The following ADAM23 variants were observed in gnomAD, a reference collection of about 807,000 sequenced individuals.
The protein encoded by ADAM23 is disintegrin and metalloproteinase domain-containing protein 23.
ADAM23 carries 33 observed loss-of-function variants against 120.1 expected under a neutral mutation model. The observed-to-expected ratio is 0.27, with a 90% CI of 0.21 to 0.37. The LOEUF (loss-of-function observed/expected upper bound fraction) is 0.37, where lower values mean the gene tolerates loss of function less well. Ranked by LOEUF, ADAM23 falls within the 10% of genes least tolerant of loss-of-function variation. ADAM23 has a pLI of 1.00. For missense variants in ADAM23, 862 were observed against 1,058.2 expected (o/e 0.81, Z 2.57); for synonymous variants, 367 against 375.2 (o/e 0.98, Z 0.25).
In ADAM23 at chr2:206,588,161, C is replaced by T. The variant is rs774194239; in HGVS notation, c.1852+7C>T. On this transcript the variant is annotated splice_region_variant and intron_variant, in intron 20 of 25. Coordinates refer to ENST00000264377, the MANE Select transcript of ADAM23 (RefSeq NM_003812.4). ...CAGTACATCTGGGGAACAAGTAGGT[C>T]GCACCTCCTTGCTTGGCGGTTACAC... 8.1e-6 allele frequency: 13 copies of T among 1,613,644 alleles called. No individual in the cohort carries two copies. The highest frequency in any genetic ancestry group is 5.0e-5 in the Admixed American group (3 of 59,968).
chr2:206,575,142 A>G (rs2105834572), intron 18 of ADAM23, among the ~76,000 whole-genome samples: 1 of 152,306 alleles, frequency 6.6e-6, no homozygotes, highest in East Asian at 1.9e-4. Context: ...CACAAATAAG[A>G]AGGAGCTTGT....
At chr2:206,510,902 G>A (rs1696609826) in intron 3 of ADAM23, among the ~76,000 whole-genome samples, 1 of 152,118 alleles carries the variant, frequency 6.6e-6, no homozygotes, top group African/African-American at 2.4e-5. Flanking sequence ...TGTTTTACCA[G>A]TTTTTCCAGG....
rs1698491236 is a variant in ADAM23 at position 206,594,828 on chromosome 2, A to G, written c.2170A>G (p.Lys724Glu). 6.2e-7 allele frequency: 1 copy of G among 1,614,100 alleles called. No individual in the cohort carries two copies. Among genetic ancestry groups the G allele is most frequent in the South Asian group, 1.1e-5 (1 of 91,092 alleles). Residue 724 changes from lysine (K) to glutamate (E), a missense_variant, in exon 23 of 26, where the codon AAG becomes GAG. Lys to Glu is a moderately conservative substitution (Grantham distance 56). Around this residue, in one of 4 missense-constraint regions of ADAM23, gnomAD observed 617 missense variants for 813.5 expected, o/e 0.76. Coordinates refer to ENST00000264377, the MANE Select transcript of ADAM23 (RefSeq NM_003812.4). Reference sequence around the variant, plus strand: ...CCCGTCTATGATGTGTTTAGATCGGAAGTGCCTACAAATTCAAGCCCTAAA... The same window carrying G: ...CCCGTCTATGATGTGTTTAGATCGGGAGTGCCTACAAATTCAAGCCCTAAA... Reference protein sequence around the residue: ...CGPSMMCLDRKCLQIQALNMS... With the variant: ...CGPSMMCLDRECLQIQALNMS...
At chr2:206,614,913 G>A (rs1263594956) in intron 25 of ADAM23, among the ~76,000 whole-genome samples, 5 of 152,040 alleles carry the variant, frequency 3.3e-5, no homozygotes, top group Non-Finnish European at 7.4e-5. Context: ...TCCTGGGTTA[G>A]GCACTTTCTC....
chr2:206,445,299 T>G lies in ADAM23; in HGVS notation c.215-8T>G, dbSNP rs759382420. On this transcript the variant is annotated splice_polypyrimidine_tract_variant and splice_region_variant and intron_variant, in intron 1 of 25. Coordinates refer to ENST00000264377, the MANE Select transcript of ADAM23 (RefSeq NM_003812.4). ...TTTTCTGCTCCCCCACCCCCCTACC[T>G]CCACCAGCTCCGCATTGGAATGAAA... 6.2e-7 allele frequency: 1 copy of G among 1,609,828 alleles called. No homozygotes were observed. Among genetic ancestry groups the G allele is most frequent in the Non-Finnish European group, 8.5e-7 (1 of 1,176,596 alleles).
intron 1 of ADAM23, among the ~76,000 whole-genome samples, chr2:206,444,862 C>T (rs541779541): frequency 2.9e-4 from 44 of 152,244 alleles, no homozygotes; most frequent in African/African-American, 1.1e-3. Context: ...ATCTTAGGAG[C>T]GTTCTTAGCT....
chr2:206,594,295 C>A (rs532952953), intron 22 of ADAM23, among the ~76,000 whole-genome samples: 1 of 152,202 alleles, frequency 6.6e-6, no homozygotes, highest in East Asian at 1.9e-4. Flanking sequence ...ATAATCAGAT[C>A]TTCTGAAGTA....
chr2:206,479,562 T>A (rs917566739), intron 2 of ADAM23, among the ~76,000 whole-genome samples: 1 of 152,216 alleles, frequency 6.6e-6, no homozygotes, highest in Non-Finnish European at 1.5e-5. Context: ...TATAAATATC[T>A]TTATGCAAAA....
chr2:206,615,727 G>A (rs1559290900), intron 25 of ADAM23, among the ~76,000 whole-genome samples: 1 of 152,174 alleles, frequency 6.6e-6, no homozygotes, highest in Non-Finnish European at 1.5e-5. Flanking sequence ...GGAACCCAGT[G>A]ATCCTGTAGA....
chr2:206,595,117 G>A (rs1055107375), intron 23 of ADAM23, among the ~76,000 whole-genome samples: 1 of 152,134 alleles, frequency 6.6e-6, no homozygotes, highest in South Asian at 2.1e-4. Flanking sequence ...GGAGGCAGAG[G>A]TTGCAGTGAG....
chr2:206,614,455 G>C (rs1698895808), intron 25 of ADAM23, among the ~76,000 whole-genome samples: 1 of 152,002 alleles, frequency 6.6e-6, no homozygotes, highest in Non-Finnish European at 1.5e-5. Flanking sequence ...AGGAGTTCGA[G>C]ACCAGACTGG....
At chr2:206,520,655 C>G (rs1284803474) in intron 3 of ADAM23, among the ~76,000 whole-genome samples, 1 of 152,092 alleles carries the variant, frequency 6.6e-6, no homozygotes, top group Non-Finnish European at 1.5e-5. Context: ...TTGCCGTTCT[C>G]TCCTGCTGCT....
chr2:206,467,095 A>G (rs896283101), intron 2 of ADAM23, among the ~76,000 whole-genome samples: 7 of 152,208 alleles, frequency 4.6e-5, no homozygotes, highest in Non-Finnish European at 8.8e-5. Context: ...AACACTGGGT[A>G]TTATAAATGA....
intron 5 of ADAM23, among the ~76,000 whole-genome samples, chr2:206,542,343 G>A (rs1456353469): frequency 6.6e-6 from 1 of 152,188 alleles, no homozygotes; most frequent in Non-Finnish European, 1.5e-5. Context: ...ATAGATGAAT[G>A]TTTAATCACC....
At chr2:206,563,116 G>T (rs956031160) in intron 13 of ADAM23, among the ~76,000 whole-genome samples, 1 of 152,080 alleles carries the variant, frequency 6.6e-6, no homozygotes, top group Non-Finnish European at 1.5e-5. Context: ...ACATTTTTAT[G>T]ACAGTGGGCA....
chr2:206,487,655 C>G (rs866392721), intron 3 of ADAM23, among the ~76,000 whole-genome samples: 4 of 152,252 alleles, frequency 2.6e-5, no homozygotes, highest in East Asian at 1.9e-4. Context: ...GCATGCTGTC[C>G]TGTTTATTGT....
At chr2:206,474,912 A>G (rs775807474) in intron 2 of ADAM23, among the ~76,000 whole-genome samples, 1 of 152,142 alleles carries the variant, frequency 6.6e-6, no homozygotes, top group Non-Finnish European at 1.5e-5. Flanking sequence ...CCTCGCACAC[A>G]TCATGTTGTT....
chr2:206,506,816 A>G (rs1475342756), intron 3 of ADAM23, among the ~76,000 whole-genome samples: 2 of 152,204 alleles, frequency 1.3e-5, no homozygotes, highest in African/African-American at 2.4e-5. Context: ...GTGTGTAGTC[A>G]TGTCCCTTGG....
intron 2 of ADAM23, among the ~76,000 whole-genome samples, chr2:206,477,902 A>ATC (rs3052400): frequency 3.6e-5 from 3 of 84,228 alleles, no homozygotes; most frequent in African/African-American, 1.4e-4. Flanking sequence ...AAAAAAATAT[A>ATC]TATATATATA....
Sources: allele counts gnomAD v4.1 joint callset (sites outside exome capture counted in the v4.1 genomes callset), GRCh38; gene constraint gnomAD v4.1.1; regional missense constraint gnomAD v4.1.1; transcripts MANE v1.5; gene names NCBI Gene and HGNC (gene_info 2026-07-23, HGNC 2026-07-21).